RABGAP1: variants seen among roughly 807,000 people sequenced by gnomAD.
RABGAP1 encodes the protein RAB GTPase activating protein 1.
In RABGAP1, 23 loss-of-function variants were observed where a neutral mutation model predicts 137.6. The observed-to-expected ratio is 0.17, with a 90% CI of 0.12 to 0.24. RABGAP1 has a LOEUF of 0.24. Ranked by LOEUF, RABGAP1 falls within the 10% of genes least tolerant of loss-of-function variation. RABGAP1 has a pLI of 1.00. For synonymous variants in RABGAP1, 451 were observed against 450.7 expected (o/e 1.00, Z -0.01); for missense variants, 906 against 1,275.8 (o/e 0.71, Z 4.42).
chr9:122,978,027 G>T (rs1835854941), intron 2 of RABGAP1, among the ~76,000 whole-genome samples: 1 of 152,102 alleles, frequency 6.6e-6, no homozygotes, highest in Non-Finnish European at 1.5e-5. Context: ...CAGATTTTTT[G>T]AGGTAAAATT....
chr9:123,038,757 A>G (rs894071004), intron 13 of RABGAP1, among the ~76,000 whole-genome samples: 1 of 151,156 alleles, frequency 6.6e-6, no homozygotes, highest in South Asian at 2.1e-4. Flanking sequence ...TTAAATTTAT[A>G]TATTATTAAT....
chr9:123,008,000 A>G (rs1457431495), intron 10 of RABGAP1, among the ~76,000 whole-genome samples: 1 of 150,702 alleles, frequency 6.6e-6, no homozygotes, highest in African/African-American at 2.4e-5. Flanking sequence ...TAAAAGTTTT[A>G]TATTTAACAT....
intron 8 of RABGAP1, chr9:122,996,873 G>A: frequency 2.2e-6 from 1 of 444,652 alleles, no homozygotes; most frequent in South Asian, 2.7e-5. Context: ...AATCAAAAGA[G>A]AAAATTTATT....
At chr9:122,974,000 C>G (rs532907514) in intron 2 of RABGAP1, among the ~76,000 whole-genome samples, 1 of 147,000 alleles carries the variant, frequency 6.8e-6, no homozygotes, top group Non-Finnish European at 1.5e-5. Flanking sequence ...AGCGAAACTT[C>G]GTCTCAAACC....
At chr9:122,979,037 C>G (rs1030014750) in intron 2 of RABGAP1, among the ~76,000 whole-genome samples, 1 of 151,872 alleles carries the variant, frequency 6.6e-6, no homozygotes, top group South Asian at 2.1e-4. Flanking sequence ...TAGCTGAGAC[C>G]AAGGTGTGTG....
In RABGAP1 at chr9:123,098,738, A is replaced by G; in HGVS notation, c.2757A>G (p.Glu919=). 1 of 1,613,908 alleles carries G rather than the reference A, an allele frequency of 6.2e-7. No homozygotes were observed. The highest frequency in any genetic ancestry group is 1.1e-5 in the South Asian group (1 of 91,040). ...AGTTAAAAGAAATGTGCCGTCGGGA[A>G]CTCGACAAGGCAGAATCTGAGATTA... ...SAQLKEMCRR[E]LDKAESEIKK... The change falls in exon 23 of 26, where the codon GAA becomes GAG. Residue 919 remains glutamate, a synonymous_variant. Transcript: ENST00000373647.
intron 10 of RABGAP1, among the ~76,000 whole-genome samples, chr9:123,003,167 G>T (rs1363004859): frequency 2.0e-5 from 3 of 152,146 alleles, no homozygotes; most frequent in African/African-American, 7.2e-5. Context: ...GCATTAAAAA[G>T]TATTTGAGGT....
At chr9:123,047,075 T>C (rs1402206755) in intron 13 of RABGAP1, among the ~76,000 whole-genome samples, 2 of 152,072 alleles carry the variant, frequency 1.3e-5, no homozygotes, top group African/African-American at 4.8e-5. Flanking sequence ...GCTTAGAAAA[T>C]AGGAGTTTTC....
At chr9:123,004,367 A>G (rs1350237398) in intron 10 of RABGAP1, among the ~76,000 whole-genome samples, 1 of 151,890 alleles carries the variant, frequency 6.6e-6, no homozygotes, top group Non-Finnish European at 1.5e-5. Context: ...GGCTCGCTAC[A>G]GCCTTGACCT....
intron 13 of RABGAP1, among the ~76,000 whole-genome samples, chr9:123,055,080 A>G (rs938698520): frequency 1.3e-5 from 2 of 152,142 alleles, no homozygotes; most frequent in Admixed American, 6.5e-5. Flanking sequence ...CTTGAAGGTG[A>G]GGTATCTACA....
At chr9:123,030,626 A>G in intron 13 of RABGAP1, among the ~76,000 whole-genome samples, 1 of 152,178 alleles carries the variant, frequency 6.6e-6, no homozygotes, top group East Asian at 1.9e-4. Flanking sequence ...TACTGATCAG[A>G]TCATGGTAAT....
intron 13 of RABGAP1, among the ~76,000 whole-genome samples, chr9:123,030,324 T>G (rs2032227488): frequency 6.6e-6 from 1 of 152,212 alleles, no homozygotes; most frequent in African/African-American, 2.4e-5. Flanking sequence ...TCTATCTTGC[T>G]AAATCAATAT....
intron 24 of RABGAP1, among the ~76,000 whole-genome samples, chr9:123,100,421 G>A (rs2035309785): frequency 1.3e-5 from 2 of 149,766 alleles, no homozygotes; most frequent in Non-Finnish European, 3.0e-5. Flanking sequence ...GTGTGTGTGT[G>A]TGTGTGTGTG....
chr9:122,968,471 C>T (rs1263060459), intron 2 of RABGAP1, among the ~76,000 whole-genome samples: 3 of 152,028 alleles, frequency 2.0e-5, no homozygotes, highest in African/African-American at 7.3e-5. Context: ...AATCTGCCTG[C>T]CTTGGCCTCT....
intron 12 of RABGAP1, among the ~76,000 whole-genome samples, chr9:123,019,692 T>TTGTC (rs1447917017): frequency 6.6e-6 from 1 of 150,584 alleles, no homozygotes; most frequent in Non-Finnish European, 1.5e-5. Context: ...CTTTTTTTGT[T>TTGTC]TGTTTGTTTG....
intron 1 of RABGAP1, among the ~76,000 whole-genome samples, chr9:122,947,480 T>C (rs10985834): frequency 2.0e-5 from 3 of 152,228 alleles, no homozygotes; most frequent in Non-Finnish European, 4.4e-5. Flanking sequence ...GTAATGTTTG[T>C]GTTATTACTT....
chr9:123,000,004 G>C (rs1409844025), intron 10 of RABGAP1, among the ~76,000 whole-genome samples: 3 of 151,736 alleles, frequency 2.0e-5, no homozygotes, highest in Non-Finnish European at 4.4e-5. Context: ...TAAAATGTCT[G>C]TGTGGGTTTT....
At chr9:123,065,283 TA>T in intron 13 of RABGAP1, 64 bp from the exon 14 acceptor site, 1 of 1,209,124 alleles carries the variant, frequency 8.3e-7, no homozygotes, top group Non-Finnish European at 1.2e-6. Flanking sequence ...AGACCTTGCC[TA>T]AACCTGAATA....
chr9:123,070,232 A>G lies in RABGAP1; in HGVS notation c.1909-118A>G. The G allele has an allele frequency of 6.6e-7, 1 of 1,507,152 alleles. No homozygotes were observed. Among genetic ancestry groups the G allele is most frequent in the Non-Finnish European group, 8.8e-7 (1 of 1,130,336 alleles). 93.4% of individuals were successfully genotyped at this position (1,507,152 alleles called of 1,614,324 possible). A position where few individuals can be genotyped will look rare whatever the true frequency, so the allele number is the denominator to read the frequency against. On this transcript the variant is annotated intron_variant, in intron 14 of 25. Coordinates refer to ENST00000373647, the MANE Select transcript of RABGAP1 (RefSeq NM_012197.4). The surrounding 1 kb of genome is among the most constrained non-coding windows in gnomAD (Gnocchi z 4.4). ...TTGGCACCACTTACTGTCTGTCAAA[A>G]TGCTGTCCCAGTGTGGGTAGCATCC...
Sources: gnomAD v4.1 joint callset for allele counts (sites outside exome capture counted in the v4.1 genomes callset) on GRCh38, gnomAD v4.1.1 for gene constraint, Gnocchi (gnomAD v3.1) non-coding constraint, MANE v1.5 for transcripts, NCBI Gene and HGNC (gene_info 2026-07-23, HGNC 2026-07-21) for gene names.